Variants in NCKAP5 observed in about 807,000 individuals in gnomAD.
NCKAP5 encodes NCK associated protein 5, also known as nck-associated protein 5.
A neutral mutation model predicts 167.0 loss-of-function variants in NCKAP5; 92 were observed. That is an observed-to-expected ratio of 0.55 (90% CI 0.47 to 0.66). NCKAP5 has a LOEUF of 0.66. NCKAP5 is among the 30% of genes least tolerant of loss of function. The pLI is 0.00. For synonymous variants in NCKAP5, 891 were observed against 877.4 expected, an observed-to-expected ratio of 1.02 and a Z score of -0.27; for missense variants, 2,378 against 2,315.0, an observed-to-expected ratio of 1.03 and a Z score of -0.56.
chr2:132,698,790 C>T (rs1286798458), intron 19 of NCKAP5, among the ~76,000 whole-genome samples: 2 of 151,968 alleles, frequency 1.3e-5, no homozygotes, highest in Non-Finnish European at 2.9e-5. Context: ...GCCAAGATCA[C>T]GCCATTGCAC....
At chr2:133,574,258 G>A in the NCKAP5 span, among the ~76,000 whole-genome samples, 1 of 152,178 alleles carries the variant, frequency 6.6e-6, no homozygotes, top group African/African-American at 2.4e-5. Flanking sequence ...GAGGCTTGAC[G>A]CATAATAGCC....
At chr2:133,324,086 AG>A (rs1407705943) in intron 3 of NCKAP5, among the ~76,000 whole-genome samples, 3 of 152,202 alleles carry the variant, frequency 2.0e-5, no homozygotes, top group Admixed American at 2.0e-4. Context: ...TGGCTCCGGG[AG>A]GTTTCCAAAC....
chr2:133,484,683 A>G (rs1680749022), intron 3 of NCKAP5, among the ~76,000 whole-genome samples: 1 of 152,224 alleles, frequency 6.6e-6, no homozygotes, highest in African/African-American at 2.4e-5. Context: ...CTTCATGCAC[A>G]AAATTATTTA....
chr2:133,457,717 GA>G (rs1216472726), intron 3 of NCKAP5, among the ~76,000 whole-genome samples: 1 of 151,934 alleles, frequency 6.6e-6, no homozygotes, highest in Non-Finnish European at 1.5e-5. Context: ...TGTGTAATTT[GA>G]AAAAAGGAAA....
In NCKAP5 at chr2:133,335,777, T is replaced by C. The variant is rs16823652; in HGVS notation, c.70-32667A>G. ...TGAAAATTATTGCCATCTTTAAGAATTGCTTTGCTAAGTGAAGTAATTAGA... is the reference window on the plus strand; with the variant it reads ...TGAAAATTATTGCCATCTTTAAGAACTGCTTTGCTAAGTGAAGTAATTAGA... On this transcript the variant is annotated intron_variant, in intron 3 of 19. Transcript: ENST00000409261. Among the ~76,000 whole-genome samples the C allele has an allele frequency of 1.0e-2, 1,522 of 152,314 alleles. 34 individuals carry two copies. The highest frequency in any genetic ancestry group is 0.033 in the African/African-American group (1,378 of 41,574).
chr2:132,925,219 C>T (rs1239316685), intron 8 of NCKAP5, among the ~76,000 whole-genome samples: 1 of 151,962 alleles, frequency 6.6e-6, no homozygotes, highest in Non-Finnish European at 1.5e-5. Context: ...CAACCTAGAT[C>T]CCTCACATGT....
At chr2:133,435,132 T>C (rs1238377824) in intron 3 of NCKAP5, among the ~76,000 whole-genome samples, 1 of 152,198 alleles carries the variant, frequency 6.6e-6, no homozygotes, top group East Asian at 1.9e-4. Context: ...TCTGATCTCA[T>C]CACTAACTAC....
At chr2:132,857,031 G>C (rs979760888) in intron 11 of NCKAP5, among the ~76,000 whole-genome samples, 6 of 152,202 alleles carry the variant, frequency 3.9e-5, no homozygotes. Flanking sequence ...TGATAAAGAT[G>C]AAATTGGTGA....
At chr2:132,938,846 A>G (rs1438687930) in intron 8 of NCKAP5, among the ~76,000 whole-genome samples, 2 of 152,020 alleles carry the variant, frequency 1.3e-5, no homozygotes, top group Non-Finnish European at 2.9e-5. Context: ...AAGTCAAAAC[A>G]CCATTGACAA....
At chr2:133,460,975 A>G (rs1692164515) in intron 3 of NCKAP5, among the ~76,000 whole-genome samples, 1 of 152,190 alleles carries the variant, frequency 6.6e-6, no homozygotes, top group Admixed American at 6.5e-5. Context: ...AATCTATTAA[A>G]ATGATTTTTC....
intron 5 of NCKAP5, among the ~76,000 whole-genome samples, chr2:133,153,480 AT>A (rs922517215): frequency 6.6e-6 from 1 of 152,018 alleles, no homozygotes; most frequent in African/African-American, 2.4e-5. Flanking sequence ...AAGACTACTG[AT>A]TTTTTTTAAA....
In NCKAP5 at chr2:132,827,751, G is replaced by A. The variant is rs543691526; in HGVS notation, c.808-31022C>T. On this transcript the variant is annotated intron_variant, in intron 11 of 19. Transcript: ENST00000409261. The stretch of plus-strand genomic sequence containing the variant: ...ACACTAAAAAGTTCATAGGATTCTC[G>A]GTCTGTGCTTTCTCATGGCCTTGAT... Among the ~76,000 whole-genome samples the A allele has an allele frequency of 1.5e-3, 222 of 152,146 alleles. 1 individual carries two copies. Among genetic ancestry groups the A allele is most frequent in the African/African-American group, 4.8e-3 (201 of 41,526 alleles).
chr2:133,489,746 C>T (rs574621712), intron 3 of NCKAP5, among the ~76,000 whole-genome samples: 1 of 152,282 alleles, frequency 6.6e-6, no homozygotes, highest in East Asian at 1.9e-4. Flanking sequence ...TTTTGTGGAG[C>T]ACTCAGTCAA....
intron 6 of NCKAP5, among the ~76,000 whole-genome samples, chr2:133,060,364 T>C (rs1323264633): frequency 3.9e-5 from 6 of 152,158 alleles, no homozygotes; most frequent in Non-Finnish European, 5.9e-5. Context: ...CTAGAGAATA[T>C]ACCCATCATG....
chr2:133,158,061 G>A (rs1367196601), intron 5 of NCKAP5, among the ~76,000 whole-genome samples: 1 of 152,182 alleles, frequency 6.6e-6, no homozygotes, highest in African/African-American at 2.4e-5. Context: ...CTAAATGAAA[G>A]AGGATATGGG....
intron 3 of NCKAP5, among the ~76,000 whole-genome samples, chr2:133,513,550 G>A (rs900123368): frequency 6.6e-5 from 10 of 152,304 alleles, no homozygotes; most frequent in Admixed American, 3.3e-4. Context: ...CCCCATAGCT[G>A]GTTTTCAATA....
chr2:132,846,503 C>T lies in NCKAP5; in HGVS notation c.807+13989G>A, dbSNP rs555789521. On this transcript the variant is annotated intron_variant, in intron 11 of 19. Coordinates refer to ENST00000409261, the MANE Select transcript of NCKAP5 (RefSeq NM_207363.3). ...TATTTTTAGTAGAGATGGGGTCTTG[C>T]GATGTTGGCCAGGTTGGTCTCAAAC... 5.1e-4 allele frequency among the ~76,000 whole-genome samples: 78 copies of T among 152,062 alleles called. 1 individual carries two copies. The highest frequency in any genetic ancestry group is 1.6e-3 in the African/African-American group (66 of 41,472).
At chr2:133,202,398 A>C (rs1299180998) in intron 5 of NCKAP5, among the ~76,000 whole-genome samples, 5 of 152,252 alleles carry the variant, frequency 3.3e-5, no homozygotes, top group African/African-American at 4.8e-5. Flanking sequence ...AAAATGGATT[A>C]AAGACTTAAA....
chr2:133,639,347 A>T, the NCKAP5 span, among the ~76,000 whole-genome samples: 8 of 152,178 alleles, frequency 5.3e-5, no homozygotes, highest in African/African-American at 1.9e-4. Flanking sequence ...GTTCACGTAG[A>T]CAAGAAGACA....
Sources: gnomAD v4.1 joint callset for allele counts (sites outside exome capture counted in the v4.1 genomes callset) on GRCh38, gnomAD v4.1.1 for gene constraint, MANE v1.5 for transcripts, NCBI Gene and HGNC (gene_info 2026-07-23, HGNC 2026-07-21) for gene names.